Variants in COL16A1 observed in about 807,000 individuals in gnomAD.
COL16A1 encodes the protein collagen type XVI alpha 1 chain, also known as collagen alpha-1(XVI) chain.
A neutral mutation model predicts 266.3 loss-of-function variants in COL16A1; 189 were observed. The ratio of observed to expected loss-of-function variants is 0.71; its 90% CI spans 0.63 to 0.80. The LOEUF (loss-of-function observed/expected upper bound fraction) is 0.80, where lower values mean the gene tolerates loss of function less well. COL16A1 is among the 30% of genes least tolerant of loss of function. The probability of loss-of-function intolerance (pLI) is 0.00; values close to 1 mark genes in which losing one functional copy is unlikely to be tolerated. For missense variants in COL16A1, 1,928 were observed against 2,122.4 expected, an observed-to-expected ratio of 0.91 and a Z score of 1.80; for synonymous variants, 740 against 782.3, an observed-to-expected ratio of 0.95 and a Z score of 0.90.
chr1:31,684,877 G>C (rs773015218), intron 29 of COL16A1, 21 bp from the exon 30 acceptor site: 2 of 1,613,204 alleles, frequency 1.2e-6, no homozygotes. Context: ...AGCATTTCCA[G>C]CACCCGCTCA....
intron 44 of COL16A1, among the ~76,000 whole-genome samples, chr1:31,674,119 CAG>C (rs750103955): frequency 3.3e-5 from 5 of 152,160 alleles, no homozygotes; most frequent in Non-Finnish European, 7.3e-5. Flanking sequence ...ATCTGCCGTT[CAG>C]AGCAGGGAAG....
Position 31,657,067 on chromosome 1 carries a change from C to T in COL16A1, c.4022G>A (p.Gly1341Asp), listed in dbSNP as rs1392252365. The stretch of plus-strand genomic sequence containing the variant: ...AGCTGCACCATCCGTACCAGGTTCG[C>T]CCTGGGGAGTAGAGAGCAATGGAGA... ...PGPPGHPGPPGEPGTDGAAGK... is the reference protein window; with the variant it reads ...PGPPGHPGPPDEPGTDGAAGK... Residue 1341 changes from glycine to aspartate, a missense_variant and splice_region_variant, in exon 65 of 71, where the codon GGC becomes GAC. Transcript: ENST00000373672. This position sits in a 1 kb window ranked among gnomAD's most constrained non-coding sequence, Gnocchi z 6.4. 1 of 1,614,206 alleles carries T rather than the reference C, an allele frequency of 6.2e-7. No homozygotes were observed.
At chr1:31,693,570 C>A (rs2148815176) in intron 12 of COL16A1, among the ~76,000 whole-genome samples, 1 of 152,286 alleles carries the variant, frequency 6.6e-6, no homozygotes, top group Admixed American at 6.5e-5. Flanking sequence ...CAGAGCAGGT[C>A]ATGTCGCCTT....
chr1:31,684,139 G>A lies in COL16A1; in HGVS notation c.2253C>T (p.Gly751=). ...PGQPGPKGEQ[G]PEGVGRPGKP... is the part of the protein sequence containing the mutation. ...TACCAGGTCGGCCCACGCCTTCGGGGCCCTGCTCTCCTTTGGGGCCGGGCT... is the reference window on the plus strand; with the variant it reads ...TACCAGGTCGGCCCACGCCTTCGGGACCCTGCTCTCCTTTGGGGCCGGGCT... The change falls in exon 32 of 71, where the codon GGC becomes GGT. Residue 751 remains glycine (G), a synonymous_variant. Coordinates refer to ENST00000373672, the MANE Select transcript of COL16A1 (RefSeq NM_001856.4). 1 of 1,558,794 alleles carries A rather than the reference G, an allele frequency of 6.4e-7. No individual in the cohort carries two copies. Among genetic ancestry groups the A allele is most frequent in the Non-Finnish European group, 8.7e-7 (1 of 1,150,860 alleles).
Position 31,672,409 on chromosome 1 carries a change from G to A in COL16A1, c.3105+7C>T. The A allele has an allele frequency of 6.2e-7, 1 of 1,614,078 alleles. No individual in the cohort carries two copies. Among genetic ancestry groups the A allele is most frequent in the Non-Finnish European group, 8.5e-7 (1 of 1,179,996 alleles). On this transcript the variant is annotated splice_region_variant and intron_variant, in intron 47 of 70. Transcript: ENST00000373672. Reference sequence around the variant, plus strand: ...CCTTGAGGATGAATCCCCATCCCTGGTCTTACCTCTTCTCCTCTCTGGCCT... The same window carrying A: ...CCTTGAGGATGAATCCCCATCCCTGATCTTACCTCTTCTCCTCTCTGGCCT...
chr1:31,667,214 G>T (rs1045292071), intron 52 of COL16A1, among the ~76,000 whole-genome samples: 2 of 152,246 alleles, frequency 1.3e-5, no homozygotes, highest in Admixed American at 6.5e-5. Flanking sequence ...GGGGGCCCCA[G>T]TGTCCTCATC....
At chr1:31,699,980 G>A (rs780486126) in intron 3 of COL16A1, 50 bp from the exon 4 acceptor site, 2 of 1,604,894 alleles carry the variant, frequency 1.2e-6, no homozygotes, top group Non-Finnish European at 1.7e-6. Context: ...GTGGAGAGGG[G>A]TACAGATCAC....
At chr1:31,700,843 G>A (rs1173797456) in intron 2 of COL16A1, among the ~76,000 whole-genome samples, 3 of 152,208 alleles carry the variant, frequency 2.0e-5, no homozygotes, top group African/African-American at 7.2e-5. Context: ...GGGCCTTGGA[G>A]CTCCAGGAAG....
In COL16A1 at chr1:31,685,626, T is replaced by C. The variant is rs1470147328; in HGVS notation, c.2016+13A>G. 1 of 1,608,658 alleles carries C rather than the reference T, an allele frequency of 6.2e-7. No homozygotes were observed. The highest frequency in any genetic ancestry group is 1.7e-5 in the Admixed American group (1 of 59,810). ...TCCCCCGTCCAGAGGCCCCTGCCTA[T>C]ATCCCACCTCACCTGTTTTCCTGGC... is the stretch of plus-strand genomic sequence containing the variant. On this transcript the variant is annotated intron_variant, in intron 29 of 70. Transcript: ENST00000373672. The surrounding 1 kb of genome is among the most constrained non-coding windows in gnomAD (Gnocchi z 4.0).
intron 52 of COL16A1, among the ~76,000 whole-genome samples, chr1:31,666,859 A>G (rs896723024): frequency 1.3e-5 from 2 of 152,082 alleles, no homozygotes; most frequent in Admixed American, 1.3e-4. Context: ...CCCAGTCCTC[A>G]TCGTTCCTAG....
At chr1:31,671,134 G>T (rs1642652673) in intron 48 of COL16A1, among the ~76,000 whole-genome samples, 1 of 152,210 alleles carries the variant, frequency 6.6e-6, no homozygotes, top group Non-Finnish European at 1.5e-5. Context: ...TAGATACCCT[G>T]GTCTGGTTTT....
In COL16A1 at chr1:31,658,815, C is replaced by T. The variant is rs568179368; in HGVS notation, c.3930+99G>A. On this transcript the variant is annotated intron_variant, in intron 63 of 70. Coordinates refer to ENST00000373672, the MANE Select transcript of COL16A1 (RefSeq NM_001856.4). ...GACACCAGGGAAGGAGGGGATGAGA[C>T]AAACTGTTCTCCATCCCCCCAGCTT... The T allele has an allele frequency of 1.4e-5, 20 of 1,393,170 alleles. No homozygotes were observed. In the East Asian group the frequency reaches 2.2e-4, roughly 16 times the overall value. 86.3% of individuals were successfully genotyped at this position (1,393,170 alleles called of 1,614,324 possible). A position where few individuals can be genotyped will look rare whatever the true frequency, so the allele number is the denominator to read the frequency against.
rs1642242572 is a variant in COL16A1, at chr1:31,667,558, A to T, written c.3357+17T>A. The T allele has an allele frequency of 1.3e-6, 2 of 1,582,898 alleles. No homozygotes were observed. Among genetic ancestry groups the T allele is most frequent in the Non-Finnish European group, 1.7e-6 (2 of 1,164,732 alleles). ...CACGTGCAGCCCTGCATCCAGCCCCACGCCGCTGGGACTCACCGGCTCTCC... is the reference window on the plus strand; with the variant it reads ...CACGTGCAGCCCTGCATCCAGCCCCTCGCCGCTGGGACTCACCGGCTCTCC... On this transcript the variant is annotated intron_variant, in intron 52 of 70. Coordinates refer to ENST00000373672, the MANE Select transcript of COL16A1 (RefSeq NM_001856.4).
chr1:31,670,751 G>C lies in COL16A1; in HGVS notation c.3151-105C>G. ...GGGGTCATGGGGAGAGGAGGTCATG[G>C]GAGTATTTTCAAGGCAGCTGGAAAA... On this transcript the variant is annotated intron_variant, in intron 48 of 70. Coordinates refer to ENST00000373672, the MANE Select transcript of COL16A1 (RefSeq NM_001856.4). The surrounding 1 kb of genome is among the most constrained non-coding windows in gnomAD (Gnocchi z 4.5). The C allele has an allele frequency of 1.1e-6, 1 of 948,722 alleles. No individual in the cohort carries two copies. The highest frequency in any genetic ancestry group is 1.4e-6 in the Non-Finnish European group (1 of 692,488). 58.8% of individuals were successfully genotyped at this position (948,722 alleles called of 1,614,324 possible).
At chr1:31,692,560 A>ACCCACCATCCCTGCCCTATCCCTGGT in intron 15 of COL16A1, 38 bp downstream of exon 15, 3 of 1,613,952 alleles carry the variant, frequency 1.9e-6, no homozygotes, top group Non-Finnish European at 2.5e-6. Flanking sequence ...TGGGCCCTGG[A>ACCCACCATCCCTGCCCTATCCCTGGT]CCCACCATCC....
At position 31,688,250 on chromosome 1, in the gene COL16A1, C is replaced by A. The variant is rs529775131; in HGVS notation, c.1803+217G>T. ...AATGTGCTTAATAGTTTTAGAATAT[C>A]ATCACAGCTACACTAAGGAATTCTC... On this transcript the variant is annotated intron_variant, in intron 26 of 70. Transcript: ENST00000373672. This position sits in a 1 kb window ranked among gnomAD's most constrained non-coding sequence, Gnocchi z 4.9. 6.6e-6 allele frequency among the ~76,000 whole-genome samples: 1 copy of A among 152,254 alleles called. No homozygotes were observed. Among genetic ancestry groups the A allele is most frequent in the South Asian group, 2.1e-4 (1 of 4,814 alleles).
chr1:31,701,629 G>T, intron 2 of COL16A1: 1 of 930,740 alleles, frequency 1.1e-6, no homozygotes, highest in Non-Finnish European at 1.3e-6. Flanking sequence ...GAGATTCAGG[G>T]CCAGCCGTGG....
At position 31,670,627 on chromosome 1, in the gene COL16A1, C is replaced by A; in HGVS notation, c.3170G>T (p.Gly1057Val). ...PGPIGPPGFP[G>V]AVGSPGLPGL... ...AGGCAATCCGGGGGAGCCAACAGCA[C>A]CAGGAAAACCTGGGGGGCCCTGGTG... Residue 1057 changes from glycine (G) to valine (V), a missense_variant, in exon 49 of 71, where the codon GGT (glycine) becomes GTT (valine). Gly to Val is a moderately radical substitution (Grantham distance 109). Transcript: ENST00000373672. This position sits in a 1 kb window ranked among gnomAD's most constrained non-coding sequence, Gnocchi z 4.5. The A allele has an allele frequency of 7.0e-7, 1 of 1,423,346 alleles. No individual in the cohort carries two copies. The highest frequency in any genetic ancestry group is 1.8e-4 in the Middle Eastern group (1 of 5,566). The allele number at this position is 1,423,346 out of a possible 1,614,324, so 88.2% of individuals were successfully genotyped here.
intron 47 of COL16A1, among the ~76,000 whole-genome samples, chr1:31,672,040 C>G (rs944487002): frequency 3.3e-5 from 5 of 152,140 alleles, no homozygotes; most frequent in African/African-American, 1.2e-4. Flanking sequence ...AGTAAATAGG[C>G]AGGATGTTGG....
Sources: gnomAD v4.1 joint callset for allele counts (sites outside exome capture counted in the v4.1 genomes callset) on GRCh38, gnomAD v4.1.1 for gene constraint, Gnocchi (gnomAD v3.1) non-coding constraint, MANE v1.5 for transcripts, NCBI Gene and HGNC (gene_info 2026-07-23, HGNC 2026-07-21) for gene names.